The following FRMD7 variants were observed in gnomAD, a reference collection of about 807,000 sequenced individuals.
The protein encoded by FRMD7 is FERM domain containing 7.
Under a neutral mutation model 44.1 loss-of-function variants are expected in FRMD7, and 14 were observed. The ratio of observed to expected loss-of-function variants is 0.32; its 90% CI spans 0.21 to 0.50. The LOEUF (loss-of-function observed/expected upper bound fraction) is 0.50. FRMD7 is among the 20% of genes least tolerant of loss of function. The pLI, the probability that FRMD7 is intolerant of heterozygous loss-of-function variation, is 0.99. For missense variants in FRMD7, 501 were observed against 522.3 expected, an observed-to-expected ratio of 0.96 and a Z score of 0.40; for synonymous variants, 212 against 187.4, an observed-to-expected ratio of 1.13 and a Z score of -1.07.
chrX:132,096,290 G>A (rs1160084953), intron 4 of FRMD7, among the ~76,000 whole-genome samples: 1 of 109,036 alleles, frequency 9.2e-6, no homozygotes, highest in Non-Finnish European at 1.9e-5. Context: ...CTTTTGGGGG[G>A]AAGACATCAG....
At chrX:132,100,576 C>T in intron 2 of FRMD7, 36 bp downstream of exon 2, 1 of 965,189 alleles carries the variant, frequency 1.0e-6, no homozygotes, top group Non-Finnish European at 1.5e-6. Flanking sequence ...AGAAGCAATG[C>T]TAGACACAAA....
At chrX:132,114,671 T>A (rs142839838) in intron 1 of FRMD7, among the ~76,000 whole-genome samples, 468 of 111,474 alleles carry the variant, frequency 4.2e-3, no homozygotes, top group African/African-American at 0.014. Context: ...TGTCCAGGAG[T>A]GTCTCATTTC....
At position 132,100,498 on chromosome X, in the gene FRMD7, G is replaced by C. The variant is rs1358439191; in HGVS notation, c.162+114C>G. The C allele has an allele frequency of 5.4e-6, 3 of 559,414 alleles. No homozygotes were observed. The African/African-American group carries it at 6.8e-5, about 13-fold the overall frequency. The allele number at this position is 559,414 out of a possible 1,213,427, so 46.1% of individuals were successfully genotyped here. A position where few individuals can be genotyped will look rare whatever the true frequency, so the allele number is the denominator to read the frequency against. On this transcript the variant is annotated intron_variant, in intron 2 of 11. Coordinates refer to ENST00000298542, the MANE Select transcript of FRMD7 (RefSeq NM_194277.3). ...TTATTAAATCTAATCATGTTGCAAG[G>C]GTGCACATAGTTTTTCATTTTTCAA... is the stretch of plus-strand genomic sequence containing the variant.
At chrX:132,092,255 T>A (rs1036000070) in intron 5 of FRMD7, among the ~76,000 whole-genome samples, 1 of 111,605 alleles carries the variant, frequency 9.0e-6, no homozygotes, top group African/African-American at 3.3e-5. Context: ...AATAGAGAGG[T>A]GTGTAAGTGT....
chrX:132,103,544 A>T (rs1291230208), intron 1 of FRMD7, among the ~76,000 whole-genome samples: 1 of 110,506 alleles, frequency 9.0e-6, no homozygotes, highest in Non-Finnish European at 1.9e-5. Flanking sequence ...CTATAATTTA[A>T]ACAAATCATT....
chrX:132,121,206 G>A (rs752661075), intron 1 of FRMD7, among the ~76,000 whole-genome samples: 3 of 111,494 alleles, frequency 2.7e-5, no homozygotes, highest in East Asian at 2.8e-4. Context: ...CAGAAATCAC[G>A]CTTGAGTCAG....
At chrX:132,110,861 A>G (rs761738736) in intron 1 of FRMD7, among the ~76,000 whole-genome samples, 1 of 112,636 alleles carries the variant, frequency 8.9e-6, no homozygotes, top group East Asian at 2.8e-4. Context: ...TCCTTCTGAC[A>G]ACCTATTTTG....
chrX:132,120,614 G>A (rs1929011281), intron 1 of FRMD7, among the ~76,000 whole-genome samples: 1 of 112,431 alleles, frequency 8.9e-6, no homozygotes. Context: ...GAAGCCAAGG[G>A]GCAGGTAGGA....
At position 132,078,852 on chromosome X, in the gene FRMD7, A is replaced by G. The variant is rs772282277; in HGVS notation, c.1165T>C (p.Phe389Leu). The stretch of plus-strand genomic sequence containing the variant: ...TTGGAATGCTCCAGCTCAGTTGCAA[A>G]TGTCACCTCCAATGCAGAATTCCTC... ...RRRNSALEVT[F>L]ATELEHSKPE... The change falls in exon 12 of 12, where the codon TTT becomes CTT. Residue 389 changes from phenylalanine (F) to leucine (L), a missense_variant. By Grantham distance (22) the Phe-to-Leu change is conservative. Transcript: ENST00000298542. 4 of 1,205,172 alleles carry G rather than the reference A, an allele frequency of 3.3e-6. No individual in the cohort carries two copies. The highest frequency in any genetic ancestry group is 2.3e-4 in the Middle Eastern group (1 of 4,355).
At chrX:132,101,613 T>C (rs759216715) in intron 1 of FRMD7, among the ~76,000 whole-genome samples, 17 of 112,679 alleles carry the variant, frequency 1.5e-4, no homozygotes, top group African/African-American at 4.8e-4. Context: ...TGAATGTTTG[T>C]TGATCCAACA....
At chrX:132,085,792 G>A in intron 6 of FRMD7, 64 bp from the exon 7 acceptor site, 2 of 1,099,342 alleles carry the variant, frequency 1.8e-6, no homozygotes, top group Non-Finnish European at 2.5e-6. Flanking sequence ...CACCCTGAGA[G>A]CTCCATGAGG....
At position 132,100,595 on chromosome X, in the gene FRMD7, T is replaced by C; in HGVS notation, c.162+17A>G. 1 of 1,092,913 alleles carries C rather than the reference T, an allele frequency of 9.1e-7. No individual in the cohort carries two copies. The highest frequency in any genetic ancestry group is 1.3e-6 in the Non-Finnish European group (1 of 786,722). The allele number at this position is 1,092,913 out of a possible 1,213,427, so 90.1% of individuals were successfully genotyped here. ...GCAATGCTAGACACAAAGAACCCTA[T>C]AATGAAACCAACTTACATTATTTCC... On this transcript the variant is annotated intron_variant, in intron 2 of 11. Transcript: ENST00000298542.
chrX:132,095,214 C>G (rs1415978764), intron 4 of FRMD7, among the ~76,000 whole-genome samples: 1 of 109,114 alleles, frequency 9.2e-6, no homozygotes, highest in Admixed American at 9.9e-5. Flanking sequence ...CCTGCCTCAG[C>G]CTTCCTAGCA....
intron 1 of FRMD7, among the ~76,000 whole-genome samples, chrX:132,123,977 C>T (rs766853065): frequency 9.4e-4 from 105 of 111,806 alleles, no homozygotes; most frequent in Middle Eastern, 4.6e-3. Context: ...ATGGGATGAC[C>T]ATTTTGTACA....
intron 5 of FRMD7, among the ~76,000 whole-genome samples, chrX:132,088,853 A>G (rs1928081085): frequency 8.9e-6 from 1 of 112,152 alleles, no homozygotes; most frequent in South Asian, 3.7e-4. Flanking sequence ...AAAGATCTAT[A>G]TAAATGAAGA....
Position 132,082,476 on chromosome X carries a change from G to A in FRMD7, c.792C>T (p.Cys264=). 8.3e-7 allele frequency: 1 copy of A among 1,210,177 alleles called. No homozygotes were observed. The highest frequency in any genetic ancestry group is 1.1e-6 in the Non-Finnish European group (1 of 893,673). Residue 264 remains cysteine (C), a synonymous_variant, in exon 9 of 12, where the codon TGC becomes TGT. Coordinates refer to ENST00000298542, the MANE Select transcript of FRMD7 (RefSeq NM_194277.3). The part of the protein sequence containing the change: ...LEFTMASRDA[C]KAFWKTCVEY... ...CCACACAAGTCTTCCAGAAAGCCTT[G>A]CAGGCATCTCGGCTGGCCATGGTGA...
chrX:132,097,519 C>T (rs1373351028), intron 3 of FRMD7, among the ~76,000 whole-genome samples, 175 bp from the exon 4 acceptor site: 3 of 111,169 alleles, frequency 2.7e-5, no homozygotes, highest in Non-Finnish European at 5.7e-5. Flanking sequence ...TATAAAGTGT[C>T]ACAATTTCTG....
chrX:132,097,892 C>T (rs763400787), intron 3 of FRMD7, among the ~76,000 whole-genome samples: 1 of 112,846 alleles, frequency 8.9e-6, no homozygotes, highest in Non-Finnish European at 1.9e-5. Context: ...ACACATGCAG[C>T]ATTAACACCA....
At chrX:132,121,746 T>C (rs182086872) in intron 1 of FRMD7, among the ~76,000 whole-genome samples, 25 of 111,789 alleles carry the variant, frequency 2.2e-4, no homozygotes, top group African/African-American at 7.8e-4. Flanking sequence ...TATTCAGTAA[T>C]ATTATTGTTA....
Sources: allele counts gnomAD v4.1 joint callset (sites outside exome capture counted in the v4.1 genomes callset), GRCh38; gene constraint gnomAD v4.1.1; transcripts MANE v1.5; gene names NCBI Gene and HGNC (gene_info 2026-07-23, HGNC 2026-07-21).